Variants in NAA60 observed in about 807,000 individuals in gnomAD.
NAA60 encodes the protein N-alpha-acetyltransferase 60.
NAA60 carries 8 observed loss-of-function variants against 26.1 expected under a neutral mutation model. The ratio of observed to expected loss-of-function variants is 0.31; its 90% CI spans 0.18 to 0.55. NAA60 has a LOEUF of 0.55. Among genes scored for constraint, NAA60 ranks in the 20% least tolerant of loss-of-function variants. NAA60 has a pLI of 0.93. For missense variants in NAA60, 290 were observed against 311.3 expected, an observed-to-expected ratio of 0.93 and a Z score of 0.51; for synonymous variants, 131 against 122.5, an observed-to-expected ratio of 1.07 and a Z score of -0.46.
At chr16:3,458,287 C>A (rs2035122844) in intron 2 of NAA60, 2 of 707,190 alleles carry the variant, frequency 2.8e-6, no homozygotes, top group Non-Finnish European at 3.5e-6. Flanking sequence ...CAGCGCCCAC[C>A]GGGTACGAGC....
intron 2 of NAA60, among the ~76,000 whole-genome samples, chr16:3,475,093 C>CTTTT (rs3031367): frequency 0.13 from 17,655 of 134,914 alleles, 1,364 homozygotes; most frequent in East Asian, 0.2. Flanking sequence ...CCATCCTTTC[C>CTTTT]TTTTTTTTTT....
chr16:3,461,354 G>C (rs151112201), intron 2 of NAA60, among the ~76,000 whole-genome samples: 1 of 152,296 alleles, frequency 6.6e-6, no homozygotes, highest in African/African-American at 2.4e-5. Flanking sequence ...GTGCCCCCCT[G>C]CGGAGGTGGG....
chr16:3,471,594 C>T lies in NAA60; in HGVS notation c.-6-4628C>T, dbSNP rs574052190. On this transcript the variant is annotated intron_variant, in intron 2 of 7. Coordinates refer to ENST00000407558, the MANE Select transcript of NAA60 (RefSeq NM_001083601.3). ...GGCATCCACGGAGGTCAAGGCCTTG[C>T]CAACCCCACTTCCTGGGTCCAGCTC... Among the ~76,000 whole-genome samples, 35 of 152,288 alleles carry T rather than the reference C, an allele frequency of 2.3e-4. No homozygotes were observed. In the South Asian group the frequency reaches 3.5e-3, roughly 15 times the overall value.
intron 2 of NAA60, chr16:3,458,015 G>C (rs1279372612): frequency 3.0e-6 from 3 of 985,268 alleles, no homozygotes; most frequent in South Asian, 4.7e-5. Flanking sequence ...TGCCGGCAGG[G>C]AGCGGGAGGC....
At chr16:3,447,776 C>A (rs190188523) in intron 1 of NAA60, among the ~76,000 whole-genome samples, 1 of 152,216 alleles carries the variant, frequency 6.6e-6, no homozygotes, top group Non-Finnish European at 1.5e-5. Context: ...AAGAGGCTCA[C>A]ACAGTTTTGA....
At chr16:3,461,863 A>C (rs1181513409) in intron 2 of NAA60, among the ~76,000 whole-genome samples, 1 of 152,144 alleles carries the variant, frequency 6.6e-6, no homozygotes, top group African/African-American at 2.4e-5. Context: ...CCAAGTGGGC[A>C]GATCGCTTGA....
intron 2 of NAA60, among the ~76,000 whole-genome samples, chr16:3,464,098 G>C (rs902801474): frequency 2.6e-5 from 4 of 152,226 alleles, no homozygotes; most frequent in Middle Eastern, 6.8e-3. Flanking sequence ...TAGTGATGAA[G>C]TCTCGGCTCA....
chr16:3,484,652 G>A, intron 6 of NAA60, 47 bp from the exon 7 acceptor site: 1 of 1,553,432 alleles, frequency 6.4e-7, no homozygotes, highest in Non-Finnish European at 8.7e-7. Flanking sequence ...CTGTGCCCTG[G>A]CGAGCGTGGT....
chr16:3,447,463 G>C, intron 1 of NAA60: 1 of 985,344 alleles, frequency 1.0e-6, no homozygotes, highest in Non-Finnish European at 1.2e-6. Context: ...ACTACGTTTG[G>C]TGTGTTTTCC....
intron 2 of NAA60, 42 bp from the exon 3 acceptor site, chr16:3,476,180 C>T: frequency 6.8e-7 from 1 of 1,474,290 alleles, no homozygotes; most frequent in South Asian, 1.2e-5. Flanking sequence ...ATGAGGAAGA[C>T]CAGGCTGTGA....
chr16:3,483,483 G>A lies in NAA60; in HGVS notation c.458G>A (p.Arg153Lys). Residue 153 changes from arginine (R) to lysine (K), a missense_variant, in exon 6 of 8, where the codon AGA becomes AAA. Transcript: ENST00000407558. ...NNTAINFYEN[R>K]DFKQHHYLPY... ...ACAGCAATAAACTTCTATGAAAACA[G>A]AGACTTCAAGCAGCACCACTATCTC... The A allele has an allele frequency of 6.2e-7, 1 of 1,613,984 alleles. No homozygotes were observed. The highest frequency in any genetic ancestry group is 1.3e-5 in the African/African-American group (1 of 75,052).
rs145058127 is a variant in NAA60 at position 3,470,961 on chromosome 16, C to T, written c.-6-5261C>T. Among the ~76,000 whole-genome samples the T allele has an allele frequency of 2.2e-4, 30 of 137,752 alleles. No homozygotes were observed. The East Asian group carries it at 6.0e-3, about 27-fold the overall frequency. 90.4% of individuals were successfully genotyped at this position (137,752 alleles called of 152,430 possible). A position where few individuals can be genotyped will look rare whatever the true frequency, so the allele number is the denominator to read the frequency against. On this transcript the variant is annotated intron_variant, in intron 2 of 7. Transcript: ENST00000407558. ...ATTTGGCCCTGACTTAGGTGTGACG[C>T]GTTTCCATTTTTAAATCGAGTGTAA...
chr16:3,471,934 G>C (rs918268115), intron 2 of NAA60, among the ~76,000 whole-genome samples: 2 of 152,152 alleles, frequency 1.3e-5, no homozygotes, highest in Non-Finnish European at 1.5e-5. Flanking sequence ...CTTGTCCGTC[G>C]ATGTTGTGGG....
intron 2 of NAA60, among the ~76,000 whole-genome samples, chr16:3,455,209 GCT>G (rs2034929604): frequency 6.6e-6 from 1 of 151,728 alleles, no homozygotes; most frequent in Non-Finnish European, 1.5e-5. Flanking sequence ...GTACCACCAT[GCT>G]CAGCAAATTT....
chr16:3,483,738 C>G (rs17255757), intron 6 of NAA60, 141 bp downstream of exon 6: 101,423 of 672,940 alleles, frequency 0.15, 8,259 homozygotes, highest in South Asian at 0.22. Context: ...CTTACCTGAT[C>G]GTGTTGTGGG....
At chr16:3,477,295 C>T (rs1287258688) in intron 3 of NAA60, among the ~76,000 whole-genome samples, 1 of 152,178 alleles carries the variant, frequency 6.6e-6, no homozygotes, top group Non-Finnish European at 1.5e-5. Context: ...TATGCACATA[C>T]AGCTTTTTTG....
In NAA60 at chr16:3,483,365, T is replaced by A; in HGVS notation, c.340T>A (p.Ser114Thr). The change falls in exon 6 of 8, where the codon TCC becomes ACC. Residue 114 changes from serine to threonine, a missense_variant and splice_region_variant. Transcript: ENST00000407558. The stretch of plus-strand genomic sequence containing the variant: ...TACCTTTACCTCTTCTCCCCAAGGT[T>A]CCCTCTTACTTGAAAGTTTAAAGGA... ...VKEFRKHGIG[S>T]LLLESLKDHI... 1 of 1,605,874 alleles carries A rather than the reference T, an allele frequency of 6.2e-7. No homozygotes were observed.
rs917336503 is a variant in NAA60 at position 3,461,212 on chromosome 16, A to G, written c.-7+12672A>G. Among the ~76,000 whole-genome samples the G allele has an allele frequency of 4.6e-5, 7 of 151,230 alleles. No individual in the cohort carries two copies. The East Asian group carries it at 1.2e-3, about 25-fold the overall frequency. ...CATATAATAGGATTAACATTCTGCTATGAACACTAAGGCATTTGCGTAGTG... is the reference window on the plus strand; with the variant it reads ...CATATAATAGGATTAACATTCTGCTGTGAACACTAAGGCATTTGCGTAGTG... On this transcript the variant is annotated intron_variant, in intron 2 of 7. Coordinates refer to ENST00000407558, the MANE Select transcript of NAA60 (RefSeq NM_001083601.3).
chr16:3,471,867 G>A (rs1034825301), intron 2 of NAA60, among the ~76,000 whole-genome samples: 7 of 152,256 alleles, frequency 4.6e-5, no homozygotes, highest in African/African-American at 1.7e-4. Context: ...CCGTGTGCTG[G>A]GGCCCTTGTG....
Sources: gnomAD v4.1 joint callset for allele counts (sites outside exome capture counted in the v4.1 genomes callset) on GRCh38, gnomAD v4.1.1 for gene constraint, MANE v1.5 for transcripts, NCBI Gene and HGNC (gene_info 2026-07-23, HGNC 2026-07-21) for gene names.